The following ACACA variants were observed in gnomAD, a reference collection of about 807,000 sequenced individuals.
ACACA encodes acetyl-CoA carboxylase alpha, also known as acetyl-CoA carboxylase 1.
Under a neutral mutation model 296.1 loss-of-function variants are expected in ACACA, and 103 were observed. That is an observed-to-expected ratio of 0.35 (90% confidence interval 0.30 to 0.41). ACACA has a LOEUF of 0.41. ACACA is among the 10% of genes least tolerant of loss of function. The pLI is 1.00. For missense variants in ACACA, 1,554 were observed against 2,989.7 expected (o/e 0.52, Z 11.20); for synonymous variants, 953 against 1,038.6 (o/e 0.92, Z 1.58).
chr17:37,122,960 G>T (rs182260374), intron 48 of ACACA, among the ~76,000 whole-genome samples: 1 of 152,324 alleles, frequency 6.6e-6, no homozygotes, highest in Non-Finnish European at 1.5e-5. Context: ...GCTGCTAAAC[G>T]AAATTTCTCA....
At chr17:37,248,558 A>C in intron 17 of ACACA, 35 bp downstream of exon 17, 1 of 1,496,442 alleles carries the variant, frequency 6.7e-7, no homozygotes, top group Non-Finnish European at 9.3e-7. Flanking sequence ...ATAGCTAAAA[A>C]AGTAAGGTGC....
At chr17:37,095,125 G>A (rs1277547448) in intron 54 of ACACA, among the ~76,000 whole-genome samples, 1 of 152,206 alleles carries the variant, frequency 6.6e-6, no homozygotes. Context: ...GCCTACTGAG[G>A]CTGGACACGT....
intron 1 of ACACA, among the ~76,000 whole-genome samples, chr17:37,341,191 G>A (rs2048358650): frequency 6.6e-6 from 1 of 152,190 alleles, no homozygotes; most frequent in Non-Finnish European, 1.5e-5. Flanking sequence ...CAATAGGCCA[G>A]TGTTTTTCAA....
At chr17:37,216,141 CACACACACACACACACAA>C (rs1359204063) in intron 29 of ACACA, among the ~76,000 whole-genome samples, 53 of 135,168 alleles carry the variant, frequency 3.9e-4, no homozygotes, top group African/African-American at 1.5e-3. Flanking sequence ...CACACACACA[CACACACACACACACACAA>C]CATACACATG....
At chr17:37,267,632 C>T (rs977386007) in intron 10 of ACACA, among the ~76,000 whole-genome samples, 11 of 152,124 alleles carry the variant, frequency 7.2e-5, no homozygotes, top group African/African-American at 2.2e-4. Flanking sequence ...ATGACCATAG[C>T]TCAAGGCAGC....
In ACACA at chr17:37,223,518, A is replaced by C. The variant is rs149049072; in HGVS notation, c.3558T>G (p.Ala1186=). 999 of 1,603,578 alleles carry C rather than the reference A, an allele frequency of 6.2e-4. No individual in the cohort carries two copies. Among genetic ancestry groups the C allele is most frequent in the Non-Finnish European group, 7.9e-4 (923 of 1,170,366 alleles). Residue 1186 remains alanine (A), a synonymous_variant, in exon 28 of 56, where the codon GCT becomes GCG. Coordinates refer to ENST00000616317, the MANE Select transcript of ACACA (RefSeq NM_198834.3). ...YHSNQVVRMA[A]LEVYVRRAYI... ...CATTACCATAAATACTTACCTCCAG[A>C]GCTGCCATCCTCACTACTTGGTTGC...
chr17:37,180,395 C>G (rs986462694), intron 40 of ACACA, among the ~76,000 whole-genome samples: 4 of 152,138 alleles, frequency 2.6e-5, no homozygotes, highest in African/African-American at 9.7e-5. Context: ...CTATTTACTA[C>G]GGCTACATAT....
At chr17:37,195,136 T>C (rs2077933503) in intron 35 of ACACA, among the ~76,000 whole-genome samples, 1 of 152,204 alleles carries the variant, frequency 6.6e-6, no homozygotes, top group African/African-American at 2.4e-5. Context: ...AATCTTTCCA[T>C]GGAACTCTCT....
intron 3 of ACACA, among the ~76,000 whole-genome samples, chr17:37,295,403 C>G (rs2083279568): frequency 6.6e-6 from 1 of 152,166 alleles, no homozygotes; most frequent in Non-Finnish European, 1.5e-5. Context: ...GGAGGCTGTA[C>G]AAGTTCTTGG....
intron 1 of ACACA, among the ~76,000 whole-genome samples, chr17:37,362,961 G>A (rs2049459913): frequency 7.2e-6 from 1 of 138,108 alleles, no homozygotes; most frequent in Non-Finnish European, 1.5e-5. Flanking sequence ...GCGACAGAGC[G>A]AGACTCCGTC....
At chr17:37,164,811 G>T (rs1019942511) in intron 41 of ACACA, among the ~76,000 whole-genome samples, 1 of 152,156 alleles carries the variant, frequency 6.6e-6, no homozygotes, top group African/African-American at 2.4e-5. Context: ...CAAATTTTAT[G>T]ATATATTAAC....
At chr17:37,202,710 TATACAC>T (rs1201171921) in intron 33 of ACACA, among the ~76,000 whole-genome samples, 1,648 of 17,710 alleles carry the variant, frequency 0.093, 19 homozygotes, top group East Asian at 0.23. Flanking sequence ...TATATATATA[TATACAC>T]ACACACATAT....
At chr17:37,247,114 T>G in intron 18 of ACACA, 138 bp from the exon 19 acceptor site, 1 of 917,896 alleles carries the variant, frequency 1.1e-6, no homozygotes, top group Non-Finnish European at 1.7e-6. Flanking sequence ...CACTGCATAT[T>G]TGTTTACAAT....
chr17:37,353,877 GC>G (rs2049018198), intron 1 of ACACA, among the ~76,000 whole-genome samples: 2 of 152,086 alleles, frequency 1.3e-5, no homozygotes, highest in South Asian at 4.1e-4. Context: ...GGAGGCCAAG[GC>G]AGGAGGATTG....
intron 3 of ACACA, among the ~76,000 whole-genome samples, chr17:37,292,093 T>G (rs2083096402): frequency 6.6e-6 from 1 of 152,156 alleles, no homozygotes; most frequent in African/African-American, 2.4e-5. Context: ...GGAAATGTGT[T>G]ACCTGTTCAA....
At chr17:37,221,310 T>C (rs572810301) in intron 29 of ACACA, among the ~76,000 whole-genome samples, 1 of 152,316 alleles carries the variant, frequency 6.6e-6, no homozygotes, top group East Asian at 1.9e-4. Flanking sequence ...GGCTCAGATA[T>C]AACCTCAACC....
rs775291085 is a variant in ACACA at position 37,181,191 on chromosome 17, G to A, written c.4932+10C>T. The A allele has an allele frequency of 2.7e-5, 43 of 1,613,882 alleles. No homozygotes were observed. Among genetic ancestry groups the A allele is most frequent in the Non-Finnish European group, 3.4e-5 (40 of 1,179,940 alleles). ...TAGAACATGTCAGACCCTCCAGTTA[G>A]GCATCTTACCTGCCGAAACATCTCT... On this transcript the variant is annotated intron_variant, in intron 40 of 55. Coordinates refer to ENST00000616317, the MANE Select transcript of ACACA (RefSeq NM_198834.3).
chr17:37,130,589 T>C (rs113432699), intron 45 of ACACA, among the ~76,000 whole-genome samples: 1 of 151,650 alleles, frequency 6.6e-6, no homozygotes. Flanking sequence ...AAATAAAAAA[T>C]TAAAAAAAAA....
chr17:37,193,864 T>C (rs2077870718), intron 35 of ACACA, among the ~76,000 whole-genome samples: 1 of 152,198 alleles, frequency 6.6e-6, no homozygotes, highest in Admixed American at 6.5e-5. Context: ...GCTCAGTCCA[T>C]GATTTTCACA....
Sources: allele counts gnomAD v4.1 joint callset (sites outside exome capture counted in the v4.1 genomes callset), GRCh38; gene constraint gnomAD v4.1.1; transcripts MANE v1.5; gene names NCBI Gene and HGNC (gene_info 2026-07-23, HGNC 2026-07-21).